Variants in IFFO2 observed in about 807,000 individuals in gnomAD.
IFFO2 encodes the protein intermediate filament family orphan 2.
In IFFO2, 19 loss-of-function variants were observed where a neutral mutation model predicts 53.5. The observed-to-expected ratio is 0.36, with a 90% CI of 0.25 to 0.52. The LOEUF is 0.52. IFFO2 is among the 20% of genes least tolerant of loss of function. IFFO2 has a pLI of 0.94. For missense variants in IFFO2, 570 were observed against 727.4 expected (o/e 0.78, Z 2.49); for synonymous variants, 303 against 313.6 (o/e 0.97, Z 0.36).
chr1:18,911,541 T>TTATG, intron 6 of IFFO2, 65 bp from the exon 7 acceptor site: 1 of 756,892 alleles, frequency 1.3e-6, no homozygotes, highest in East Asian at 4.6e-5. Flanking sequence ...ATTTATTTAT[T>TTATG]TATTTATTTA....
chr1:18,927,052 C>G (rs1166619809), intron 1 of IFFO2, among the ~76,000 whole-genome samples: 1 of 152,192 alleles, frequency 6.6e-6, no homozygotes, highest in African/African-American at 2.4e-5. Flanking sequence ...GTCAGTTACC[C>G]TCTCTGGGCC....
chr1:18,921,008 C>T, intron 2 of IFFO2, 53 bp downstream of exon 2: 5 of 1,491,216 alleles, frequency 3.4e-6, no homozygotes, highest in Non-Finnish European at 3.7e-6. Context: ...TGCCCCTTGG[C>T]CACATGGCTC....
In IFFO2 at chr1:18,918,243, G is replaced by A. The variant is rs114742208; in HGVS notation, c.963+119C>T. 3,398 of 952,080 alleles carry A rather than the reference G, an allele frequency of 3.6e-3. 15 individuals are homozygous for A. Among genetic ancestry groups the A allele is most frequent in the Non-Finnish European group, 4.7e-3 (2,975 of 632,470 alleles). 59.0% of individuals were successfully genotyped at this position (952,080 alleles called of 1,614,324 possible). ...ACAGGGTCAGGTAGTGCTACCTCTC[G>A]GGGAAGGGGAGGGAGTGAGTGGGAT... On this transcript the variant is annotated intron_variant, in intron 4 of 8. Transcript: ENST00000455833. The surrounding 1 kb of genome is among the most constrained non-coding windows in gnomAD (Gnocchi z 5.2).
rs989629892 is a variant in IFFO2 at position 18,913,428 on chromosome 1, G to A, written c.1104-1345C>T. Among the ~76,000 whole-genome samples, 14 of 152,368 alleles carry A rather than the reference G, an allele frequency of 9.2e-5. No homozygotes were observed. The East Asian group carries it at 1.3e-3, about 15-fold the overall frequency. ...CTGGGATCTGAAGGAAACCCCAGCC[G>A]AGGGACAGGAAGCTGGAAAGGACAG... On this transcript the variant is annotated intron_variant, in intron 5 of 8. Coordinates refer to ENST00000455833, the MANE Select transcript of IFFO2 (RefSeq NM_001136265.2).
chr1:18,911,133 G>A (rs1936028888), intron 7 of IFFO2, among the ~76,000 whole-genome samples: 1 of 152,102 alleles, frequency 6.6e-6, no homozygotes. Flanking sequence ...GTTATTATGG[G>A]ATCATCTCAG....
At chr1:18,952,746 G>A (rs564586728) in intron 1 of IFFO2, among the ~76,000 whole-genome samples, 2 of 152,330 alleles carry the variant, frequency 1.3e-5, no homozygotes, top group South Asian at 2.1e-4. Context: ...CTTTTTGGGG[G>A]CTGATGCAAT....
At chr1:18,940,106 C>T (rs1468194266) in intron 1 of IFFO2, among the ~76,000 whole-genome samples, 1 of 152,216 alleles carries the variant, frequency 6.6e-6, no homozygotes, top group African/African-American at 2.4e-5. Flanking sequence ...CCAAGCTTGG[C>T]CCCAGTCTGG....
In IFFO2 at chr1:18,910,224, C is replaced by CAGAA. The variant is rs112502235; in HGVS notation, c.1448+117_1448+118insTTCT. On this transcript the variant is annotated intron_variant, in intron 8 of 8. Transcript: ENST00000455833. ...ATGGATGGATGGATGGACGGACGGA[C>CAGAA]GGACAGATGGACGGACAGAGAGACA... The CAGAA allele has an allele frequency of 9.1e-3, 10,699 of 1,179,016 alleles. 202 individuals carry two copies. The highest frequency in any genetic ancestry group is 0.058 in the East Asian group (2,240 of 38,616). The allele number at this position is 1,179,016 out of a possible 1,614,324, so 73.0% of individuals were successfully genotyped here.
chr1:18,913,335 G>A (rs957031369), intron 5 of IFFO2, among the ~76,000 whole-genome samples: 2 of 152,270 alleles, frequency 1.3e-5, no homozygotes, highest in Non-Finnish European at 2.9e-5. Context: ...CGTGTGGCCC[G>A]GAGCCGCCAG....
rs540451118 is a variant in IFFO2, at chr1:18,908,373, G to A, written c.*188C>T. The A allele has an allele frequency of 1.5e-4, 89 of 574,492 alleles. No individual in the cohort carries two copies. Among genetic ancestry groups the A allele is most frequent in the South Asian group, 5.5e-4 (28 of 50,974 alleles). The allele number at this position is 574,492 out of a possible 1,614,324, so 35.6% of individuals were successfully genotyped here. A position where few individuals can be genotyped will look rare whatever the true frequency, so the allele number is the denominator to read the frequency against. On this transcript the variant is annotated 3_prime_UTR_variant, in exon 9 of 9. Coordinates refer to ENST00000455833, the MANE Select transcript of IFFO2 (RefSeq NM_001136265.2). Reference sequence around the variant, plus strand: ...CCTTGGGTGGGTGGGGGATGGAGACGGGGCACCCGTTGGTGGTGTGGAAGG... The same window carrying A: ...CCTTGGGTGGGTGGGGGATGGAGACAGGGCACCCGTTGGTGGTGTGGAAGG...
chr1:18,937,358 A>G (rs971514699), intron 1 of IFFO2, among the ~76,000 whole-genome samples: 1 of 152,172 alleles, frequency 6.6e-6, no homozygotes, highest in Non-Finnish European at 1.5e-5. Context: ...CACCAAAAGA[A>G]TTAGTGACTA....
rs1212409323 is a variant in IFFO2, at chr1:18,956,015, G to C, written c.318C>G (p.Ala106=). 8 of 1,429,520 alleles carry C rather than the reference G, an allele frequency of 5.6e-6. No homozygotes were observed. The highest frequency in any genetic ancestry group is 1.3e-5 in the South Asian group (1 of 78,172). The allele number at this position is 1,429,520 out of a possible 1,614,324, so 88.6% of individuals were successfully genotyped here. A position where few individuals can be genotyped will look rare whatever the true frequency, so the allele number is the denominator to read the frequency against. The change falls in exon 1 of 9, where the codon GCC becomes GCG. Residue 106 remains alanine (A), a synonymous_variant. Transcript: ENST00000455833. This position sits in a 1 kb window ranked among gnomAD's most constrained non-coding sequence, Gnocchi z 6.4. ...LRYKTFSREQ[A]VQTGPELLRP... is the part of the protein sequence containing the mutation. ...GCAGCAACTCGGGCCCGGTCTGCAC[G>C]GCCTGCTCGCGGGAGAAGGTCTTGT...
In IFFO2 at chr1:18,917,860, C is replaced by T. The variant is rs931879949; in HGVS notation, c.963+502G>A. Among the ~76,000 whole-genome samples, 2 of 152,178 alleles carry T rather than the reference C, an allele frequency of 1.3e-5. No homozygotes were observed. The highest frequency in any genetic ancestry group is 2.4e-5 in the African/African-American group (1 of 41,454). ...TAGGTCGGGGGGGTATCGAGAGCCT[C>T]TTTGGGGTGGAATGAAAAATAGTCA... On this transcript the variant is annotated intron_variant, in intron 4 of 8. Coordinates refer to ENST00000455833, the MANE Select transcript of IFFO2 (RefSeq NM_001136265.2). The surrounding 1 kb of genome is among the most constrained non-coding windows in gnomAD (Gnocchi z 5.9).
intron 1 of IFFO2, among the ~76,000 whole-genome samples, chr1:18,926,878 C>A (rs535475577): frequency 6.6e-6 from 1 of 152,080 alleles, no homozygotes; most frequent in Non-Finnish European, 1.5e-5. Context: ...AAAAGAGGCT[C>A]GAGGCTCCCG....
At chr1:18,942,932 G>A (rs1051440080) in intron 1 of IFFO2, among the ~76,000 whole-genome samples, 6 of 151,278 alleles carry the variant, frequency 4.0e-5, no homozygotes, top group African/African-American at 7.3e-5. Flanking sequence ...TCCACCTTGC[G>A]GGTTCAAGCC....
At chr1:18,910,533 G>A (rs902888523) in intron 7 of IFFO2, 61 bp from the exon 8 acceptor site, 1 of 1,548,950 alleles carries the variant, frequency 6.5e-7, no homozygotes, top group Non-Finnish European at 8.7e-7. Flanking sequence ...AGAAGCCTCG[G>A]CAACCTCTCC....
intron 6 of IFFO2, 35 bp from the exon 7 acceptor site, chr1:18,911,511 A>T (rs533524071): frequency 2.6e-4 from 105 of 402,172 alleles, no homozygotes; most frequent in Non-Finnish European, 3.7e-4. Context: ...AGTTTATTTT[A>T]TTTATTTATT....
chr1:18,925,511 C>T (rs1193036971), intron 1 of IFFO2, among the ~76,000 whole-genome samples: 1 of 152,190 alleles, frequency 6.6e-6, no homozygotes, highest in Non-Finnish European at 1.5e-5. Context: ...CCCACCGCCA[C>T]CGGGGGCTGG....
intron 1 of IFFO2, among the ~76,000 whole-genome samples, chr1:18,938,025 T>C (rs1360890829): frequency 6.6e-6 from 1 of 152,196 alleles, no homozygotes; most frequent in African/African-American, 2.4e-5. Context: ...AAAAAGGAGA[T>C]GGTCCAGGCC....
Sources: gnomAD v4.1 joint callset for allele counts (sites outside exome capture counted in the v4.1 genomes callset) on GRCh38, gnomAD v4.1.1 for gene constraint, Gnocchi (gnomAD v3.1) non-coding constraint, MANE v1.5 for transcripts, NCBI Gene and HGNC (gene_info 2026-07-23, HGNC 2026-07-21) for gene names.